MYLK: variants seen among roughly 807,000 people sequenced by gnomAD.
The protein encoded by MYLK is myosin light chain kinase, smooth muscle.
A neutral mutation model predicts 203.4 loss-of-function variants in MYLK; 106 were observed. The ratio of observed to expected loss-of-function variants is 0.52; its 90% CI spans 0.45 to 0.61. MYLK has a LOEUF of 0.61. Among genes scored for constraint, MYLK ranks in the 20% least tolerant of loss-of-function variants. MYLK has a pLI of 0.00. For synonymous variants in MYLK, 867 were observed against 959.5 expected (o/e 0.90, Z 1.78); for missense variants, 2,072 against 2,442.3 (o/e 0.85, Z 3.20).
intron 23 of MYLK, chr3:123,659,578 C>T (rs542740362): frequency 2.1e-4 from 88 of 416,670 alleles, no homozygotes; most frequent in Middle Eastern, 3.5e-4. Context: ...GATTGGAGGC[C>T]TCCCACTCCT....
At chr3:123,794,781 A>G (rs1350045388) in intron 3 of MYLK, among the ~76,000 whole-genome samples, 1 of 152,228 alleles carries the variant, frequency 6.6e-6, no homozygotes, top group Admixed American at 6.5e-5. Context: ...TTCATCATAA[A>G]ACTTGAAAAT....
Position 123,793,678 on chromosome 3 carries a change from C to T in MYLK, c.164G>A (p.Arg55Gln), listed in dbSNP as rs768984022. The T allele has an allele frequency of 8.7e-6, 14 of 1,614,092 alleles. No homozygotes were observed. The highest frequency in any genetic ancestry group is 1.3e-5 in the African/African-American group (1 of 75,056). The change falls in exon 4 of 34, where the codon CGG becomes CAG. Residue 55 changes from arginine to glutamine, a missense_variant and splice_region_variant. Physicochemically the swap from Arg to Gln is conservative, Grantham distance 43. Coordinates refer to ENST00000360304, the MANE Select transcript of MYLK (RefSeq NM_053025.4). ...TCCCCATCCAGCCACACTTCTTACC[C>T]GCCCTTCGAACTTGGCGGTGGCTCC... is the stretch of plus-strand genomic sequence containing the variant. ...KEGATAKFEG[R>Q]VRGYPEPQVT...
chr3:123,671,281 G>C (rs2059904903), intron 20 of MYLK, among the ~76,000 whole-genome samples: 1 of 152,240 alleles, frequency 6.6e-6, no homozygotes. Flanking sequence ...AGGGAAGTTT[G>C]TGGAGACTGG....
At chr3:123,670,009 TG>T (rs1157570714) in intron 20 of MYLK, among the ~76,000 whole-genome samples, 1 of 121,858 alleles carries the variant, frequency 8.2e-6, no homozygotes, top group East Asian at 2.6e-4. Flanking sequence ...CACTCCAGCC[TG>T]GGTGACAGAG....
intron 5 of MYLK, among the ~76,000 whole-genome samples, chr3:123,747,735 G>T (rs561339118): frequency 5.9e-4 from 90 of 152,324 alleles, no homozygotes; most frequent in African/African-American, 2.1e-3. Flanking sequence ...ATCCTGTAAG[G>T]TGGGTGATCC....
At chr3:123,845,582 C>G (rs2029877376) in intron 2 of MYLK, among the ~76,000 whole-genome samples, 2 of 152,186 alleles carry the variant, frequency 1.3e-5, no homozygotes, top group African/African-American at 4.8e-5. Context: ...CCTCAAACTC[C>G]TGGGCTCAAG....
At chr3:123,701,174 G>A (rs1361787845) in intron 17 of MYLK, among the ~76,000 whole-genome samples, 169 bp from the exon 18 acceptor site, 36 of 147,990 alleles carry the variant, frequency 2.4e-4, no homozygotes, top group Admixed American at 1.9e-3. Context: ...GGTGAGAGGC[G>A]CTCGCTTGCT....
chr3:123,804,852 G>A (rs567015921), intron 3 of MYLK, among the ~76,000 whole-genome samples: 35 of 152,246 alleles, frequency 2.3e-4, no homozygotes, highest in African/African-American at 7.5e-4. Context: ...CTGACTGATT[G>A]GAGGAGAGGG....
chr3:123,628,249 G>A (rs1445359271), intron 30 of MYLK, among the ~76,000 whole-genome samples: 1 of 152,160 alleles, frequency 6.6e-6, no homozygotes, highest in Non-Finnish European at 1.5e-5. Context: ...TGCATCACAG[G>A]AAAGCCTGAC....
intron 4 of MYLK, among the ~76,000 whole-genome samples, chr3:123,780,069 C>T (rs2064233821): frequency 6.6e-6 from 1 of 152,244 alleles, no homozygotes; most frequent in Admixed American, 6.5e-5. Context: ...CAGCCTGTCA[C>T]GTAGCAGTGG....
chr3:123,697,043 C>T (rs979920239), intron 18 of MYLK, among the ~76,000 whole-genome samples: 1 of 152,210 alleles, frequency 6.6e-6, no homozygotes, highest in Non-Finnish European at 1.5e-5. Context: ...CTTCCAGCAG[C>T]TCCTCCCGAC....
intron 2 of MYLK, among the ~76,000 whole-genome samples, chr3:123,834,795 C>T (rs1253835941): frequency 1.3e-5 from 2 of 152,028 alleles, no homozygotes; most frequent in African/African-American, 4.8e-5. Context: ...TCTAAAATAC[C>T]AATTAAGTCT....
intron 19 of MYLK, chr3:123,692,097 A>G (rs191623805): frequency 6.1e-6 from 1 of 163,180 alleles, no homozygotes; most frequent in East Asian, 1.7e-4. Flanking sequence ...CCTTAGGACA[A>G]AGCCCAGTTC....
chr3:123,647,172 C>A (rs367956227), intron 27 of MYLK, 52 bp downstream of exon 27: 33 of 1,563,140 alleles, frequency 2.1e-5, no homozygotes, highest in Non-Finnish European at 2.8e-5. Context: ...GTAGGGGAGA[C>A]ACGTTTGGGG....
chr3:123,645,157 T>C (rs895328591), intron 27 of MYLK, among the ~76,000 whole-genome samples: 1 of 152,222 alleles, frequency 6.6e-6, no homozygotes, highest in African/African-American at 2.4e-5. Flanking sequence ...CCTATATGCA[T>C]TATTGCATTG....
intron 1 of MYLK, among the ~76,000 whole-genome samples, chr3:123,883,484 C>A (rs1263210459): frequency 3.3e-5 from 5 of 152,198 alleles, no homozygotes; most frequent in African/African-American, 1.2e-4. Context: ...CCCATCAGCC[C>A]ATCTTCACAT....
chr3:123,671,163 T>C (rs1486793130), intron 20 of MYLK, among the ~76,000 whole-genome samples: 1 of 152,230 alleles, frequency 6.6e-6, no homozygotes, highest in Non-Finnish European at 1.5e-5. Context: ...ATTTCTTGCA[T>C]AGATACACGT....
intron 4 of MYLK, among the ~76,000 whole-genome samples, chr3:123,773,199 A>G (rs1206456508): frequency 6.6e-6 from 1 of 152,194 alleles, no homozygotes; most frequent in Non-Finnish European, 1.5e-5. Context: ...AGCATTAACT[A>G]AAAAGGCAGC....
chr3:123,759,546 C>G (rs1241950153), intron 4 of MYLK, among the ~76,000 whole-genome samples: 1 of 152,210 alleles, frequency 6.6e-6, no homozygotes, highest in Non-Finnish European at 1.5e-5. Flanking sequence ...CATTCCTCTC[C>G]TTTGGAGGAA....
Sources: allele counts gnomAD v4.1 joint callset (sites outside exome capture counted in the v4.1 genomes callset), GRCh38; gene constraint gnomAD v4.1.1; transcripts MANE v1.5; gene names NCBI Gene and HGNC (gene_info 2026-07-23, HGNC 2026-07-21).